The following NCAPG2 variants were observed in gnomAD, a reference collection of about 807,000 sequenced individuals.
NCAPG2 encodes the protein non-SMC condensin II complex subunit G2, also known as condensin-2 complex subunit G2.
NCAPG2 carries 53 observed loss-of-function variants against 141.1 expected under a neutral mutation model. The observed-to-expected ratio is 0.38, with a 90% CI of 0.30 to 0.47. The LOEUF (loss-of-function observed/expected upper bound fraction) is 0.47, where lower values mean the gene tolerates loss of function less well. Among genes scored for constraint, NCAPG2 ranks in the 20% least tolerant of loss-of-function variants. The pLI, the probability that NCAPG2 is intolerant of heterozygous loss-of-function variation, is 0.99. For synonymous variants in NCAPG2, 499 were observed against 490.7 expected, an observed-to-expected ratio of 1.02 and a Z score of -0.22; for missense variants, 1,087 against 1,389.0, an observed-to-expected ratio of 0.78 and a Z score of 3.46.
intron 14 of NCAPG2, 72 bp from the exon 15 acceptor site, chr7:158,664,368 T>A (rs1413100977): frequency 6.6e-7 from 1 of 1,526,458 alleles, no homozygotes; most frequent in African/African-American, 1.4e-5. Flanking sequence ...GATAGTGAAA[T>A]TATAATCCCA....
In NCAPG2 at chr7:158,687,415, T is replaced by C. The variant is rs778120288; in HGVS notation, c.700A>G (p.Asn234Asp). 2 of 1,609,302 alleles carry C rather than the reference T, an allele frequency of 1.2e-6. No individual in the cohort carries two copies. The highest frequency in any genetic ancestry group is 2.7e-5 in the African/African-American group (2 of 74,728). ...ATTTTGATGAAGTTGATATTCCAGT[T>C]GAAGAGACAACTAAGAAATCTTCTT... ...EGRRFLSCLF[N>D]WNINFIKMIH... The change falls in exon 7 of 28, where the codon AAC becomes GAC. Residue 234 changes from asparagine to aspartate, a missense_variant. By Grantham distance (23) the Asn-to-Asp change is conservative. Transcript: ENST00000356309.
At chr7:158,680,629 A>T in intron 10 of NCAPG2, 92 bp downstream of exon 10, 1 of 756,324 alleles carries the variant, frequency 1.3e-6, no homozygotes, top group Non-Finnish European at 2.0e-6. Context: ...CCTTATCTTT[A>T]CTATTTTATT....
intron 13 of NCAPG2, among the ~76,000 whole-genome samples, chr7:158,665,631 A>T (rs1158028009): frequency 6.6e-6 from 1 of 151,762 alleles, no homozygotes; most frequent in Non-Finnish European, 1.5e-5. Context: ...CCACACACAA[A>T]ACTCAACCTG....
At chr7:158,668,473 T>C in intron 13 of NCAPG2, 1 of 944,818 alleles carries the variant, frequency 1.1e-6, no homozygotes, top group Non-Finnish European at 1.3e-6. Context: ...TTTTAAGTGC[T>C]TATCTTTTAG....
chr7:158,636,437 T>C (rs1830203847), intron 27 of NCAPG2, among the ~76,000 whole-genome samples: 1 of 151,228 alleles, frequency 6.6e-6, no homozygotes, highest in Non-Finnish European at 1.5e-5. Context: ...GTTTCACTCT[T>C]AATGCCCAGG....
intron 21 of NCAPG2, 61 bp from the exon 22 acceptor site, chr7:158,654,755 C>A: frequency 1.9e-6 from 3 of 1,554,336 alleles, no homozygotes; most frequent in Admixed American, 2.0e-5. Context: ...GTAAATCCAG[C>A]CTCACAAAGC....
chr7:158,677,243 AGAAG>A (rs1159295134), intron 11 of NCAPG2, among the ~76,000 whole-genome samples: 1 of 152,152 alleles, frequency 6.6e-6, no homozygotes, highest in Admixed American at 6.5e-5. Flanking sequence ...GAAAAGCAAA[AGAAG>A]GAAGAGCAAT....
At chr7:158,632,261 T>C (rs186568425) in intron 27 of NCAPG2, among the ~76,000 whole-genome samples, 1 of 152,330 alleles carries the variant, frequency 6.6e-6, no homozygotes, top group East Asian at 1.9e-4. Context: ...GCCGCGGCTT[T>C]GGCTGAGAGC....
At chr7:158,637,085 C>T (rs749311689) in intron 27 of NCAPG2, among the ~76,000 whole-genome samples, 26 of 151,904 alleles carry the variant, frequency 1.7e-4, no homozygotes, top group Non-Finnish European at 3.2e-4. Flanking sequence ...GCAGCTGGGA[C>T]TACAGGCGCC....
intron 4 of NCAPG2, 99 bp from the exon 5 acceptor site, chr7:158,690,821 C>T: frequency 9.3e-7 from 1 of 1,074,726 alleles, no homozygotes; most frequent in Non-Finnish European, 1.3e-6. Context: ...TTATTTAAAG[C>T]TTTGCTAAGC....
In NCAPG2 at chr7:158,680,005, A is replaced by G. The variant is rs375012937; in HGVS notation, c.1101T>C (p.Ala367=). Reference sequence around the variant, plus strand: ...TCTGGATTTCACTATCCATTTCAATAGCATGAAGGTTTGGATCCCTAATAG... The same window carrying G: ...TCTGGATTTCACTATCCATTTCAATGGCATGAAGGTTTGGATCCCTAATAG... The part of the protein sequence containing the change: ...AFPIRDPNLH[A]IEMDSEIQKQ... The change falls in exon 11 of 28, where the codon GCT becomes GCC. Residue 367 remains alanine, a synonymous_variant. Transcript: ENST00000356309. The G allele has an allele frequency of 4.3e-6, 7 of 1,614,072 alleles. No homozygotes were observed. The highest frequency in any genetic ancestry group is 3.3e-5 in the South Asian group (3 of 91,078).
intron 11 of NCAPG2, among the ~76,000 whole-genome samples, chr7:158,677,575 G>T (rs936334906): frequency 2.1e-5 from 3 of 141,516 alleles, no homozygotes; most frequent in Non-Finnish European, 4.5e-5. Context: ...GAATCTGAAG[G>T]CCTGTCCTTG....
At chr7:158,666,014 C>T (rs36073074) in intron 13 of NCAPG2, among the ~76,000 whole-genome samples, 50,799 of 146,914 alleles carry the variant, frequency 0.35, 8,928 homozygotes, top group African/African-American at 0.44. Flanking sequence ...GACAGAGCAA[C>T]CCCAGTACTT....
At chr7:158,694,362 G>C (rs551440086) in intron 2 of NCAPG2, among the ~76,000 whole-genome samples, 2 of 152,298 alleles carry the variant, frequency 1.3e-5, no homozygotes, top group African/African-American at 4.8e-5. Flanking sequence ...AATAATTATG[G>C]ACTCTGGCAG....
intron 27 of NCAPG2, among the ~76,000 whole-genome samples, chr7:158,638,716 G>C (rs1465920348): frequency 6.6e-6 from 1 of 152,076 alleles, no homozygotes; most frequent in Non-Finnish European, 1.5e-5. Context: ...AAATTCACAA[G>C]CATAATGAGA....
intron 25 of NCAPG2, 96 bp downstream of exon 25, chr7:158,646,364 C>A: frequency 1.2e-6 from 1 of 812,256 alleles, no homozygotes; most frequent in Non-Finnish European, 1.9e-6. Context: ...AAGAATGTAG[C>A]TTTGAAAAAC....
In NCAPG2 at chr7:158,667,294, C is replaced by A. The variant is rs1261697115; in HGVS notation, c.1480-2544G>T. On this transcript the variant is annotated intron_variant, in intron 13 of 27. Coordinates refer to ENST00000356309, the MANE Select transcript of NCAPG2 (RefSeq NM_017760.7). Reference sequence around the variant, plus strand: ...TCCGCCTCCCTCAGAGACCCTGTGTCCCTCCTCCACCCTTAGCCGCTACTG... The same window carrying A: ...TCCGCCTCCCTCAGAGACCCTGTGTACCTCCTCCACCCTTAGCCGCTACTG... 7 of 715,676 alleles carry A rather than the reference C, an allele frequency of 9.8e-6. 1 individual carries two copies. Among genetic ancestry groups the A allele is most frequent in the Non-Finnish European group, 1.2e-5 (7 of 586,036 alleles). 44.3% of individuals were successfully genotyped at this position (715,676 alleles called of 1,614,324 possible).
At chr7:158,699,121 T>C (rs1835634232) in intron 2 of NCAPG2, among the ~76,000 whole-genome samples, 1 of 152,166 alleles carries the variant, frequency 6.6e-6, no homozygotes, top group South Asian at 2.1e-4. Flanking sequence ...GTCTTGTTTT[T>C]CTTCCTCTAC....
chr7:158,689,966 C>CA lies in NCAPG2; in HGVS notation c.538-14dup, dbSNP rs1835020181. The CA allele has an allele frequency of 6.8e-7, 1 of 1,479,904 alleles. No homozygotes were observed. The highest frequency in any genetic ancestry group is 1.5e-5 in the South Asian group (1 of 66,184). 91.7% of individuals were successfully genotyped at this position (1,479,904 alleles called of 1,614,324 possible). On this transcript the variant is annotated splice_polypyrimidine_tract_variant and intron_variant, in intron 5 of 27. Coordinates refer to ENST00000356309, the MANE Select transcript of NCAPG2 (RefSeq NM_017760.7). ...ATACGTCTGCACCCTAGGAATGACA[C>CA]AAAAAATGTGATACCTTTTTCAATG...
Sources: gnomAD v4.1 joint callset for allele counts (sites outside exome capture counted in the v4.1 genomes callset) on GRCh38, gnomAD v4.1.1 for gene constraint, MANE v1.5 for transcripts, NCBI Gene and HGNC (gene_info 2026-07-23, HGNC 2026-07-21) for gene names.